The following ASXL3 variants were observed in gnomAD, a reference collection of about 807,000 sequenced individuals.
ASXL3 encodes the protein putative Polycomb group protein ASXL3.
Under a neutral mutation model 170.6 loss-of-function variants are expected in ASXL3, and 34 were observed. The observed-to-expected ratio is 0.20, with a 90% CI of 0.15 to 0.27. The LOEUF is 0.27. ASXL3 is among the 10% of genes least tolerant of loss of function. ASXL3 has a pLI of 1.00. For missense variants in ASXL3, 2,592 were observed against 2,695.3 expected (o/e 0.96, Z 0.85); for synonymous variants, 1,002 against 989.1 (o/e 1.01, Z -0.24).
At chr18:33,643,820 A>C (rs1291870591) in intron 2 of ASXL3, among the ~76,000 whole-genome samples, 5 of 151,854 alleles carry the variant, frequency 3.3e-5, no homozygotes, top group African/African-American at 1.2e-4. Flanking sequence ...TCATATCCTA[A>C]AGGCTGTATT....
rs1239428646 is a variant in ASXL3 at position 33,739,612 on chromosome 18, C to T, written c.2208C>T (p.Leu736=). 3.1e-6 allele frequency: 5 copies of T among 1,613,962 alleles called. No individual in the cohort carries two copies. Among genetic ancestry groups the T allele is most frequent in the Non-Finnish European group, 4.2e-6 (5 of 1,179,876 alleles). ...SETSSVSSML[L]TSETTFVSSL... ...CTTCTTCAGTGTCTTCCATGCTTCTCACCTCTGAGACCACTTTTGTATCCA... is the reference window on the plus strand; with the variant it reads ...CTTCTTCAGTGTCTTCCATGCTTCTTACCTCTGAGACCACTTTTGTATCCA... Residue 736 remains leucine, a synonymous_variant, in exon 11 of 12, where the codon CTC becomes CTT. Transcript: ENST00000269197.
In ASXL3 at chr18:33,744,223, G is replaced by A. The variant is rs1165955456; in HGVS notation, c.4375G>A (p.Gly1459Ser). 14 of 1,613,930 alleles carry A rather than the reference G, an allele frequency of 8.7e-6. No homozygotes were observed. Among genetic ancestry groups the A allele is most frequent in the Non-Finnish European group, 1.1e-5 (13 of 1,179,902 alleles). The change falls in exon 12 of 12, where the codon GGC becomes AGC. Residue 1459 changes from glycine (G) to serine (S), a missense_variant. By Grantham distance (56) the Gly-to-Ser change is moderately conservative. Transcript: ENST00000269197. ...TGGAAAACCTCAGCAACCACCAGGGGGCTTTGCACCAGCAGCCATAAACCG... is the reference window on the plus strand; with the variant it reads ...TGGAAAACCTCAGCAACCACCAGGGAGCTTTGCACCAGCAGCCATAAACCG... ...NSGKPQQPPG[G>S]FAPAAINRSI...
rs1372962773 is a variant in ASXL3 at position 33,746,571 on chromosome 18, T to C, written c.6723T>C (p.Cys2241=). ...HDDCIGPSKL[C]VACLVVR is the part of the protein sequence containing the mutation. The stretch of plus-strand genomic sequence containing the variant: ...ACTGCATAGGTCCTTCAAAACTTTG[T>C]GTAGCATGCCTGGTTGTACGATAAG... The change falls in exon 12 of 12, where the codon TGT becomes TGC. Residue 2241 remains cysteine, a synonymous_variant. Coordinates refer to ENST00000269197, the MANE Select transcript of ASXL3 (RefSeq NM_030632.3). 4 of 1,593,450 alleles carry C rather than the reference T, an allele frequency of 2.5e-6. No homozygotes were observed. Among genetic ancestry groups the C allele is most frequent in the Non-Finnish European group, 3.4e-6 (4 of 1,166,546 alleles).
Position 33,745,628 on chromosome 18 carries a change from A to G in ASXL3, c.5780A>G (p.His1927Arg), listed in dbSNP as rs1438791670. 1.9e-6 allele frequency: 3 copies of G among 1,613,960 alleles called. No homozygotes were observed. The highest frequency in any genetic ancestry group is 3.3e-4 in the Middle Eastern group (2 of 6,062). Residue 1927 changes from histidine (H) to arginine (R), a missense_variant, in exon 12 of 12, where the codon CAC becomes CGC. Coordinates refer to ENST00000269197, the MANE Select transcript of ASXL3 (RefSeq NM_030632.3). ...TTCCACACTGACGCTGGTACCTCAC[A>G]CAGACAGCAGTTTTACCAAATGCCT... ...GGFHTDAGTS[H>R]RQQFYQMPVA... is the part of the protein sequence containing the mutation.
At chr18:33,736,497 A>G (rs2067550126) in intron 10 of ASXL3, among the ~76,000 whole-genome samples, 2 of 151,398 alleles carry the variant, frequency 1.3e-5, no homozygotes, top group Non-Finnish European at 1.5e-5. Flanking sequence ...GGTTACCTTT[A>G]TTCCCCCACC....
At chr18:33,699,338 TA>T (rs2066829971) in intron 8 of ASXL3, among the ~76,000 whole-genome samples, 1 of 151,974 alleles carries the variant, frequency 6.6e-6, no homozygotes, top group Non-Finnish European at 1.5e-5. Flanking sequence ...ACATCATCAA[TA>T]AAGAAATAGT....
intron 4 of ASXL3, among the ~76,000 whole-genome samples, chr18:33,649,785 G>T (rs1025096248): frequency 6.6e-6 from 1 of 152,218 alleles, no homozygotes; most frequent in African/African-American, 2.4e-5. Context: ...GGTGTGAAAA[G>T]GTTATTTGAT....
Position 33,590,111 on chromosome 18 carries a change from G to GTTTTTTTT in ASXL3, c.54+11438_54+11445dup, listed in dbSNP as rs567969303. Among the ~76,000 whole-genome samples the GTTTTTTTT allele has an allele frequency of 1.3e-4, 11 of 83,178 alleles. 1 individual carries two copies. Among genetic ancestry groups the GTTTTTTTT allele is most frequent in the African/African-American group, 6.2e-4 (9 of 14,548 alleles). The allele number at this position is 83,178 out of a possible 152,430, so 54.6% of individuals were successfully genotyped here. A position where few individuals can be genotyped will look rare whatever the true frequency, so the allele number is the denominator to read the frequency against. On this transcript the variant is annotated intron_variant, in intron 1 of 11. Transcript: ENST00000269197. ...TGTCGTCAAGGTATTTGCTTTCTAT[G>GTTTTTTTT]TTTTTTTTTTTTTTTTTTTGCTTTG...
chr18:33,750,682 A>G lies in ASXL3; in HGVS notation c.*4087A>G, dbSNP rs745560304. 18 of 152,202 alleles carry G rather than the reference A, an allele frequency of 1.2e-4. No individual in the cohort carries two copies. Among genetic ancestry groups the G allele is most frequent in the Non-Finnish European group, 2.6e-4 (18 of 68,042 alleles). 9.4% of individuals were successfully genotyped at this position (152,202 alleles called of 1,614,324 possible). ...AGTGTAACAGCAAAATGTGAAATCA[A>G]CCCAAACATAACATGCATGACAAAC... is the stretch of plus-strand genomic sequence containing the variant. On this transcript the variant is annotated 3_prime_UTR_variant, in exon 12 of 12. Coordinates refer to ENST00000269197, the MANE Select transcript of ASXL3 (RefSeq NM_030632.3).
At position 33,744,028 on chromosome 18, in the gene ASXL3, G is replaced by A; in HGVS notation, c.4180G>A (p.Ala1394Thr). Residue 1394 changes from alanine (A) to threonine (T), a missense_variant, in exon 12 of 12, where the codon GCC becomes ACC. Ala to Thr is a moderately conservative substitution (Grantham distance 58). Around this residue, in one of 4 missense-constraint regions of ASXL3, gnomAD observed 2,246 missense variants for 2,219.6 expected, o/e 1.01. Transcript: ENST00000269197. The stretch of plus-strand genomic sequence containing the variant: ...ATCCATGGGTACCACTGTGAGAGCA[G>A]CCCTCAGCTGCAGTGATTCTGTAGC... Reference protein sequence around the residue: ...TVSMGTTVRAALSCSDSVAVT... With the variant: ...TVSMGTTVRATLSCSDSVAVT... The A allele has an allele frequency of 6.2e-7, 1 of 1,614,040 alleles. No individual in the cohort carries two copies. Among genetic ancestry groups the A allele is most frequent in the Non-Finnish European group, 8.5e-7 (1 of 1,179,904 alleles).
chr18:33,738,430 AG>A, intron 10 of ASXL3, 56 bp from the exon 11 acceptor site: 1 of 1,476,592 alleles, frequency 6.8e-7, no homozygotes, highest in South Asian at 1.4e-5. Context: ...GAGAGATCCC[AG>A]TTGTACCTTT....
intron 2 of ASXL3, among the ~76,000 whole-genome samples, chr18:33,624,326 T>G (rs1328185710): frequency 6.6e-6 from 1 of 152,082 alleles, no homozygotes; most frequent in Admixed American, 6.6e-5. Flanking sequence ...AAGTTAAAAC[T>G]TTATGTAGCA....
In ASXL3 at chr18:33,739,474, A is replaced by G; in HGVS notation, c.2070A>G (p.Ser690=). 6.2e-7 allele frequency: 1 copy of G among 1,614,006 alleles called. No homozygotes were observed. The highest frequency in any genetic ancestry group is 8.5e-7 in the Non-Finnish European group (1 of 1,179,888). The change falls in exon 11 of 12, where the codon TCA becomes TCG. Residue 690 remains serine (S), a synonymous_variant. Transcript: ENST00000269197. ...ISPISTSPEI[S]EASLMSNLPL... is the part of the protein sequence containing the mutation. ...CAATATCCACTTCACCTGAAATATCAGAAGCATCTCTTATGTCCAACTTAC... is the reference window on the plus strand; with the variant it reads ...CAATATCCACTTCACCTGAAATATCGGAAGCATCTCTTATGTCCAACTTAC...
chr18:33,711,441 C>T (rs1321587105), intron 8 of ASXL3, among the ~76,000 whole-genome samples: 2 of 152,138 alleles, frequency 1.3e-5, no homozygotes, highest in Non-Finnish European at 2.9e-5. Context: ...TATATATTAA[C>T]TGCATTTTAT....
intron 8 of ASXL3, among the ~76,000 whole-genome samples, chr18:33,712,703 G>C (rs2067088464): frequency 6.6e-6 from 1 of 152,184 alleles, no homozygotes; most frequent in East Asian, 1.9e-4. Context: ...TATTTTGCAT[G>C]TATGTATGTC....
At chr18:33,622,008 G>T (rs2065522424) in intron 2 of ASXL3, among the ~76,000 whole-genome samples, 2 of 152,010 alleles carry the variant, frequency 1.3e-5, no homozygotes, top group Non-Finnish European at 2.9e-5. Flanking sequence ...AAAATATAAT[G>T]GTCTGAAAAG....
At chr18:33,643,329 T>C (rs1482366936) in intron 2 of ASXL3, among the ~76,000 whole-genome samples, 3 of 151,866 alleles carry the variant, frequency 2.0e-5, no homozygotes, top group Admixed American at 2.0e-4. Context: ...CTGGGCCCTC[T>C]CCAAATACGA....
chr18:33,720,433 A>C (rs1025376790), intron 8 of ASXL3, among the ~76,000 whole-genome samples: 1 of 152,078 alleles, frequency 6.6e-6, no homozygotes, highest in African/African-American at 2.4e-5. Context: ...TCACTAAATA[A>C]AACATTAGTA....
rs2067837666 is a variant in ASXL3, at chr18:33,748,735, T to C, written c.*2140T>C. On this transcript the variant is annotated 3_prime_UTR_variant, in exon 12 of 12. Coordinates refer to ENST00000269197, the MANE Select transcript of ASXL3 (RefSeq NM_030632.3). ...CACCCCTATAATATAGACACTTGCA[T>C]GCCAACTCCTTCCAAATTCATTCAC... is the stretch of plus-strand genomic sequence containing the variant. The C allele has an allele frequency of 6.6e-6, 1 of 152,202 alleles. No homozygotes were observed. Among genetic ancestry groups the C allele is most frequent in the Non-Finnish European group, 1.5e-5 (1 of 68,056 alleles). The allele number at this position is 152,202 out of a possible 1,614,324, so 9.4% of individuals were successfully genotyped here.
Sources: gnomAD v4.1 joint callset for allele counts (sites outside exome capture counted in the v4.1 genomes callset) on GRCh38, gnomAD v4.1.1 for gene constraint, gnomAD v4.1.1 regional missense constraint, MANE v1.5 for transcripts, NCBI Gene and HGNC (gene_info 2026-07-23, HGNC 2026-07-21) for gene names.